Variants in PCDHA11 observed in about 807,000 individuals in gnomAD.
PCDHA11 encodes protocadherin alpha 11, also known as protocadherin alpha-11.
Under a neutral mutation model 70.3 loss-of-function variants are expected in PCDHA11, and 61 were observed. The ratio of observed to expected loss-of-function variants is 0.87; its 90% confidence interval spans 0.71 to 1.07. The LOEUF is 1.07. Among genes scored for constraint, PCDHA11 ranks in the 50% least tolerant of loss-of-function variants. PCDHA11 has a pLI of 0.00. For synonymous variants in PCDHA11, 633 were observed against 555.1 expected (o/e 1.14, Z -1.97); for missense variants, 1,324 against 1,237.5 (o/e 1.07, Z -1.05).
chr5:140,869,873 A>C lies in PCDHA11; in HGVS notation c.770A>C (p.Lys257Thr). Reference sequence around the variant, plus strand: ...GTGAGCCTTATGGAAAATGCTGCTAAAGAAACTCTTGTGCTCAAACTAAAC... The same window carrying C: ...GTGAGCCTTATGGAAAATGCTGCTACAGAAACTCTTGTGCTCAAACTAAAC... ...YKVSLMENAAKETLVLKLNAT... is the reference protein window; with the variant it reads ...YKVSLMENAATETLVLKLNAT... The change falls in exon 1 of 4, where the codon AAA becomes ACA. Residue 257 changes from lysine (K) to threonine (T), a missense_variant. Transcript: ENST00000398640. The C allele has an allele frequency of 5.0e-6, 8 of 1,610,644 alleles. No homozygotes were observed. Among genetic ancestry groups the C allele is most frequent in the Non-Finnish European group, 6.8e-6 (8 of 1,178,214 alleles).
chr5:141,003,981 C>T (rs1485203944), intron 3 of PCDHA11, among the ~76,000 whole-genome samples: 9 of 152,072 alleles, frequency 5.9e-5, no homozygotes, highest in Admixed American at 2.6e-4. Flanking sequence ...GGGGACTTGC[C>T]GGAGATCCTA....
rs535622037 is a variant in PCDHA11 at position 140,926,265 on chromosome 5, G to T, written c.2392-52684G>T. The T allele has an allele frequency of 8.1e-3, 1,228 of 152,360 alleles. 6 individuals carry two copies. The highest frequency in any genetic ancestry group is 0.019 in the African/African-American group (792 of 41,548). 9.4% of individuals were successfully genotyped at this position (152,360 alleles called of 1,614,324 possible). ...CACGTTCACCGTCCCGCCTCTCGCC[G>T]CCTCCGCTCGGCAGCTCCACGCTGA... is the stretch of plus-strand genomic sequence containing the variant. On this transcript the variant is annotated intron_variant, in intron 1 of 3. Transcript: ENST00000398640.
At chr5:140,967,146 A>G (rs782158011) in intron 1 of PCDHA11, 2 of 1,610,972 alleles carry the variant, frequency 1.2e-6, no homozygotes, top group South Asian at 1.1e-5. Flanking sequence ...CTGGCGCACA[A>G]CCCCGTGGCG....
chr5:140,942,115 A>T (rs1440934670), intron 1 of PCDHA11, among the ~76,000 whole-genome samples: 2 of 152,232 alleles, frequency 1.3e-5, no homozygotes, highest in Non-Finnish European at 2.9e-5. Flanking sequence ...ATCAAACTTT[A>T]TTAAAGGTGA....
intron 1 of PCDHA11, among the ~76,000 whole-genome samples, chr5:140,888,192 A>G (rs906159358): frequency 4.6e-5 from 7 of 152,120 alleles, no homozygotes; most frequent in Non-Finnish European, 8.8e-5. Context: ...TGAATTTTAC[A>G]TTGTCGGATG....
At position 140,871,223 on chromosome 5, in the gene PCDHA11, C is replaced by G. The variant is rs1009797322; in HGVS notation, c.2120C>G (p.Ser707Cys). Residue 707 changes from serine (S) to cysteine (C), a missense_variant, in exon 1 of 4, where the codon TCC becomes TGC. By Grantham distance (112) the Ser-to-Cys change is moderately radical. Transcript: ENST00000398640. ...CTGATCATCGCCATCTGCGTGGTGT[C>G]CAGCCTCCTGGTACTCACGCTGCTG... ...VYLIIAICVV[S>C]SLLVLTLLLY... 6 of 1,613,892 alleles carry G rather than the reference C, an allele frequency of 3.7e-6. No individual in the cohort carries two copies. Among genetic ancestry groups the G allele is most frequent in the Non-Finnish European group, 3.4e-6 (4 of 1,179,960 alleles).
chr5:140,877,298 A>C, intron 1 of PCDHA11: 1 of 1,613,870 alleles, frequency 6.2e-7, no homozygotes. Flanking sequence ...TGGCTGTCCT[A>C]CGAGTTGCAA....
chr5:140,973,362 A>G (rs2096583702), intron 1 of PCDHA11, among the ~76,000 whole-genome samples: 1 of 152,256 alleles, frequency 6.6e-6, no homozygotes, highest in Non-Finnish European at 1.5e-5. Flanking sequence ...ATTTATAAAA[A>G]TTGCACAATG....
chr5:140,966,726 C>T, intron 1 of PCDHA11: 3 of 1,402,206 alleles, frequency 2.1e-6, no homozygotes, highest in Non-Finnish European at 1.8e-6. Flanking sequence ...GAAGCTGCCG[C>T]CTCCGGCCCT....
At chr5:140,992,201 CAG>C (rs1587495213) in intron 3 of PCDHA11, among the ~76,000 whole-genome samples, 1 of 152,256 alleles carries the variant, frequency 6.6e-6, no homozygotes, top group East Asian at 1.9e-4. Context: ...TCTATCCAAT[CAG>C]ATAAACTACT....
chr5:140,870,124 G>A lies in PCDHA11; in HGVS notation c.1021G>A (p.Asp341Asn). The A allele has an allele frequency of 6.2e-7, 1 of 1,613,940 alleles. No individual in the cohort carries two copies. The highest frequency in any genetic ancestry group is 8.5e-7 in the Non-Finnish European group (1 of 1,179,912). Residue 341 changes from aspartate to asparagine, a missense_variant, in exon 1 of 4, where the codon GAC becomes AAC. By Grantham distance (23) the Asp-to-Asn change is conservative. Transcript: ENST00000398640. ...CTGTACAGTCTGGGTGGAAATCTTG[G>A]ACACCAACGATAACTCTCCTGAAGT... Reference protein sequence around the residue: ...GHCTVWVEILDTNDNSPEVAV... With the variant: ...GHCTVWVEILNTNDNSPEVAV...
chr5:140,928,863 C>T (rs1554206433), intron 1 of PCDHA11: 8 of 1,614,172 alleles, frequency 5.0e-6, no homozygotes, highest in Middle Eastern at 1.7e-4. Context: ...TGCTGTTGAG[C>T]AACTCTGTCC....
At chr5:140,958,652 G>A (rs991773774) in intron 1 of PCDHA11, among the ~76,000 whole-genome samples, 15 of 152,030 alleles carry the variant, frequency 9.9e-5, no homozygotes, top group Admixed American at 2.6e-4. Flanking sequence ...ATCACAGAAA[G>A]CTATGATGAA....
chr5:140,960,438 T>C (rs1403944664), intron 1 of PCDHA11, among the ~76,000 whole-genome samples: 4 of 152,180 alleles, frequency 2.6e-5, no homozygotes, highest in African/African-American at 9.7e-5. Context: ...ATACTCTAGA[T>C]ATATGTATGG....
At chr5:140,941,852 T>G (rs1254913265) in intron 1 of PCDHA11, among the ~76,000 whole-genome samples, 2 of 152,236 alleles carry the variant, frequency 1.3e-5, no homozygotes, top group Non-Finnish European at 2.9e-5. Context: ...TTACCTGATA[T>G]TCCCTATCAT....
intron 1 of PCDHA11, chr5:140,882,248 CTG>C (rs1554173227): frequency 1.3e-6 from 2 of 1,594,792 alleles, no homozygotes; most frequent in Non-Finnish European, 1.7e-6. Context: ...GCAGATAGCT[CTG>C]AGGTTTTTGG....
At chr5:140,900,674 T>C (rs782072148) in intron 1 of PCDHA11, among the ~76,000 whole-genome samples, 11 of 152,230 alleles carry the variant, frequency 7.2e-5, no homozygotes, top group African/African-American at 2.4e-4. Context: ...AGTGCAGTTA[T>C]CTCTTCAATA....
chr5:140,877,338 C>G (rs1554169617), intron 1 of PCDHA11: 2 of 1,614,012 alleles, frequency 1.2e-6, no homozygotes, highest in South Asian at 2.2e-5. Flanking sequence ...ACATCCCGTT[C>G]CACGTGGGGC....
chr5:140,999,183 AG>A (rs1233229901), intron 3 of PCDHA11, among the ~76,000 whole-genome samples: 2 of 152,200 alleles, frequency 1.3e-5, no homozygotes, highest in East Asian at 1.9e-4. Flanking sequence ...TGATGGGGAG[AG>A]GGTCCTTGGA....
Sources: allele counts gnomAD v4.1 joint callset (sites outside exome capture counted in the v4.1 genomes callset), GRCh38; gene constraint gnomAD v4.1.1; transcripts MANE v1.5; gene names NCBI Gene and HGNC (gene_info 2026-07-23, HGNC 2026-07-21).